DLGAP2: variants seen among roughly 807,000 people sequenced by gnomAD.
DLGAP2 encodes disks large-associated protein 2.
DLGAP2 carries 26 observed loss-of-function variants against 100.3 expected under a neutral mutation model. The observed-to-expected ratio is 0.26, with a 90% CI of 0.19 to 0.36. The LOEUF is 0.36. Among genes scored for constraint, DLGAP2 ranks in the 10% least tolerant of loss-of-function variants. The probability of loss-of-function intolerance (pLI) is 1.00; values close to 1 mark genes in which losing one functional copy is unlikely to be tolerated. For synonymous variants in DLGAP2, 886 were observed against 630.1 expected (o/e 1.41, Z -6.08); for missense variants, 1,858 against 1,453.2 (o/e 1.28, Z -4.53).
intron 6 of DLGAP2, among the ~76,000 whole-genome samples, chr8:1,613,709 A>AGT (rs1797057604): frequency 6.6e-6 from 1 of 152,202 alleles, no homozygotes; most frequent in Non-Finnish European, 1.5e-5. Context: ...AGAGTAGTTT[A>AGT]ACAGCAGCAG....
intron 3 of DLGAP2, among the ~76,000 whole-genome samples, chr8:1,288,483 AGTGTGTGTGTGTGTGTGTGTGT>A (rs1165190944): frequency 9.7e-6 from 1 of 102,838 alleles, no homozygotes; most frequent in African/African-American, 4.0e-5. Flanking sequence ...GTTTCAGTTC[AGTGTGTGTGTGTGTGTGTGTGT>A]GCATGGTTCT....
chr8:1,490,534 G>C (rs893296564), intron 3 of DLGAP2, among the ~76,000 whole-genome samples: 6 of 152,240 alleles, frequency 3.9e-5, no homozygotes, highest in African/African-American at 1.4e-4. Context: ...TTCTGTGTTC[G>C]TGTGGAAAGA....
intron 8 of DLGAP2, among the ~76,000 whole-genome samples, chr8:1,654,618 G>A (rs1007047887): frequency 2.8e-5 from 4 of 144,148 alleles, no homozygotes; most frequent in African/African-American, 7.7e-5. Flanking sequence ...CTGCGATCAC[G>A]CCATTGCACT....
intron 1 of DLGAP2, among the ~76,000 whole-genome samples, chr8:801,799 G>T (rs2132656026): frequency 6.6e-6 from 1 of 152,280 alleles, no homozygotes; most frequent in Middle Eastern, 3.4e-3. Flanking sequence ...TCACACAGAT[G>T]GTCCCTGCTC....
At chr8:1,320,970 C>T (rs1800885061) in intron 3 of DLGAP2, among the ~76,000 whole-genome samples, 2 of 152,070 alleles carry the variant, frequency 1.3e-5, no homozygotes, top group South Asian at 2.1e-4. Flanking sequence ...CATCCCTGTG[C>T]CTCTACATGT....
intron 6 of DLGAP2, among the ~76,000 whole-genome samples, chr8:1,591,613 T>G (rs183853500): frequency 7.3e-4 from 111 of 152,178 alleles, no homozygotes; most frequent in African/African-American, 2.5e-3. Flanking sequence ...GTGGGTAAAA[T>G]GACCCACACC....
rs142154545 is a variant in DLGAP2 at position 1,139,077 on chromosome 8, G to C, written c.74-119774G>C. Among the ~76,000 whole-genome samples, 286 of 152,366 alleles carry C rather than the reference G, an allele frequency of 1.9e-3. 2 individuals carry two copies. Among genetic ancestry groups the C allele is most frequent in the Middle Eastern group, 6.8e-3 (2 of 294 alleles). ...TTTTGAAATTGCTCTGGAAGTCCTG[G>C]TTGTTCAGGTGTTTCCTCGGGTGAT... On this transcript the variant is annotated intron_variant, in intron 2 of 14. Transcript: ENST00000637795.
At chr8:953,312 G>C (rs900956979) in intron 2 of DLGAP2, among the ~76,000 whole-genome samples, 13 of 152,008 alleles carry the variant, frequency 8.6e-5, no homozygotes, top group African/African-American at 3.1e-4. Flanking sequence ...CTCTGCCTCA[G>C]CCTCCCGAGT....
chr8:1,573,270 G>A (rs1422484826), intron 6 of DLGAP2, among the ~76,000 whole-genome samples: 3 of 133,366 alleles, frequency 2.2e-5, no homozygotes, highest in Non-Finnish European at 4.8e-5. Flanking sequence ...GAGGAGAGAG[G>A]GTGGACTGTG....
intron 3 of DLGAP2, among the ~76,000 whole-genome samples, chr8:1,267,286 T>C (rs1799474063): frequency 7.1e-6 from 1 of 140,068 alleles, no homozygotes; most frequent in Admixed American, 7.2e-5. Flanking sequence ...AATAAAAAGG[T>C]CTGGGTGCAG....
At chr8:1,390,767 C>T (rs916507027) in intron 3 of DLGAP2, among the ~76,000 whole-genome samples, 2 of 152,176 alleles carry the variant, frequency 1.3e-5, no homozygotes, top group African/African-American at 4.8e-5. Flanking sequence ...GATTTCAGCT[C>T]AACCCTCTGT....
At chr8:787,020 TC>T (rs1821884843) in intron 1 of DLGAP2, among the ~76,000 whole-genome samples, 1 of 152,230 alleles carries the variant, frequency 6.6e-6, no homozygotes, top group South Asian at 2.1e-4. Flanking sequence ...TCTTTCTTTT[TC>T]TTTTGGCTTT....
In DLGAP2 at chr8:1,408,410, G is replaced by C. The variant is rs116958808; in HGVS notation, c.107-92956G>C. Among the ~76,000 whole-genome samples, 529 of 151,054 alleles carry C rather than the reference G, an allele frequency of 3.5e-3. 10 individuals are homozygous for C. The East Asian group carries it at 0.048, about 14-fold the overall frequency. The stretch of plus-strand genomic sequence containing the variant: ...CCCAGCTCCAAGTTCGCCACAACCT[G>C]TTAGTTCACCTGGGGCCTTGCGTAA... On this transcript the variant is annotated intron_variant, in intron 3 of 14. Coordinates refer to ENST00000637795, the MANE Select transcript of DLGAP2 (RefSeq NM_001346810.2).
chr8:805,765 G>T (rs1189447965), intron 1 of DLGAP2, among the ~76,000 whole-genome samples: 1 of 152,138 alleles, frequency 6.6e-6, no homozygotes, highest in African/African-American at 2.4e-5. Context: ...CAGTCCGCCG[G>T]CCTTGGCCTC....
intron 2 of DLGAP2, among the ~76,000 whole-genome samples, chr8:952,947 C>G (rs1162978235): frequency 6.6e-6 from 1 of 152,070 alleles, no homozygotes; most frequent in Non-Finnish European, 1.5e-5. Context: ...ATCTGTTGGT[C>G]TGTTTTATGC....
At chr8:1,082,262 T>G (rs1041591732) in intron 2 of DLGAP2, among the ~76,000 whole-genome samples, 2 of 152,218 alleles carry the variant, frequency 1.3e-5, no homozygotes, top group Non-Finnish European at 2.9e-5. Context: ...GAAAATTGTT[T>G]TCAAGAAATT....
At chr8:800,982 C>T (rs1231611064) in intron 1 of DLGAP2, among the ~76,000 whole-genome samples, 1 of 152,014 alleles carries the variant, frequency 6.6e-6, no homozygotes, top group Non-Finnish European at 1.5e-5. Flanking sequence ...CATCCACCTG[C>T]CACCGTCCAC....
At chr8:967,364 G>A (rs890584048) in intron 2 of DLGAP2, among the ~76,000 whole-genome samples, 18 of 152,156 alleles carry the variant, frequency 1.2e-4, no homozygotes, top group Admixed American at 3.3e-4. Flanking sequence ...ATTCTGTGCC[G>A]CTTAGGCTTT....
At chr8:1,597,953 C>T (rs1236315146) in intron 6 of DLGAP2, among the ~76,000 whole-genome samples, 1 of 152,156 alleles carries the variant, frequency 6.6e-6, no homozygotes, top group Non-Finnish European at 1.5e-5. Context: ...TGCCAGTTTT[C>T]AAAGGGAATG....
Sources: gnomAD v4.1 joint callset for allele counts (sites outside exome capture counted in the v4.1 genomes callset) on GRCh38, gnomAD v4.1.1 for gene constraint, MANE v1.5 for transcripts, NCBI Gene and HGNC (gene_info 2026-07-23, HGNC 2026-07-21) for gene names.